Variants in GPC6 observed in about 807,000 individuals in gnomAD.
GPC6 encodes glypican 6.
Under a neutral mutation model 55.2 loss-of-function variants are expected in GPC6, and 14 were observed. The observed-to-expected ratio is 0.25, with a 90% CI of 0.17 to 0.40. The LOEUF (loss-of-function observed/expected upper bound fraction) is 0.40. Ranked by LOEUF, GPC6 falls within the 10% of genes least tolerant of loss-of-function variation. The pLI, the probability that GPC6 is intolerant of heterozygous loss-of-function variation, is 1.00. For synonymous variants in GPC6, 278 were observed against 259.6 expected (o/e 1.07, Z -0.68); for missense variants, 641 against 708.5 (o/e 0.90, Z 1.08).
At position 94,066,788 on chromosome 13, in the gene GPC6, T is replaced by C. The variant is rs191195237; in HGVS notation, c.877+38894T>C. Among the ~76,000 whole-genome samples, 753 of 152,324 alleles carry C rather than the reference T, an allele frequency of 4.9e-3. 5 individuals carry two copies. Among genetic ancestry groups the C allele is most frequent in the Non-Finnish European group, 7.3e-3 (499 of 68,006 alleles). Reference sequence around the variant, plus strand: ...TTCCGCAAGGAACACACAACTTTATTTAACTACCAACCACTTTCCCTTTAT... The same window carrying C: ...TTCCGCAAGGAACACACAACTTTATCTAACTACCAACCACTTTCCCTTTAT... On this transcript the variant is annotated intron_variant, in intron 4 of 8. Coordinates refer to ENST00000377047, the MANE Select transcript of GPC6 (RefSeq NM_005708.5).
chr13:93,822,885 A>T (rs1022228982), intron 2 of GPC6, among the ~76,000 whole-genome samples: 1 of 149,608 alleles, frequency 6.7e-6, no homozygotes. Context: ...TTTCTTTGAG[A>T]TGGAGTCTCG....
At chr13:93,630,683 G>T (rs1879389909) in intron 2 of GPC6, among the ~76,000 whole-genome samples, 1 of 151,958 alleles carries the variant, frequency 6.6e-6, no homozygotes, top group South Asian at 2.1e-4. Flanking sequence ...ACTAGTCATG[G>T]ATAATCTATA....
intron 4 of GPC6, among the ~76,000 whole-genome samples, chr13:94,245,734 G>T (rs1410648111): frequency 5.3e-5 from 8 of 152,014 alleles, no homozygotes; most frequent in Admixed American, 5.2e-4. Context: ...GTGTGTGTGT[G>T]TGTCTGTGTG....
At chr13:93,653,308 G>A (rs1424957640) in intron 2 of GPC6, among the ~76,000 whole-genome samples, 1 of 152,130 alleles carries the variant, frequency 6.6e-6, no homozygotes, top group Admixed American at 6.5e-5. Flanking sequence ...AAGAAATCTT[G>A]TAAATCAAAA....
chr13:93,685,858 A>C (rs1353071512), intron 2 of GPC6, among the ~76,000 whole-genome samples: 2 of 152,170 alleles, frequency 1.3e-5, no homozygotes, highest in African/African-American at 4.8e-5. Flanking sequence ...GAAAGATTGA[A>C]GAGTATTTTT....
intron 2 of GPC6, among the ~76,000 whole-genome samples, chr13:93,669,834 A>C (rs1881288089): frequency 1.3e-5 from 1 of 78,922 alleles, no homozygotes; most frequent in Non-Finnish European, 4.4e-5. Flanking sequence ...AAGCCTTAAG[A>C]AAAAAAAAAG....
intron 1 of GPC6, among the ~76,000 whole-genome samples, chr13:93,273,309 A>G (rs1877606144): frequency 6.6e-6 from 1 of 152,208 alleles, no homozygotes; most frequent in South Asian, 2.1e-4. Flanking sequence ...TTCAGTTGTA[A>G]TAATAGACAT....
intron 4 of GPC6, among the ~76,000 whole-genome samples, chr13:94,233,951 C>A (rs1327247579): frequency 1.3e-5 from 2 of 152,090 alleles, no homozygotes; most frequent in African/African-American, 4.8e-5. Context: ...TAAGGGGGGA[C>A]TACTGTAACA....
Position 93,964,548 on chromosome 13 carries a change from CAAT to C in GPC6, c.712-63176_712-63174del, listed in dbSNP as rs1879933560. On this transcript the variant is annotated intron_variant, in intron 3 of 8. Coordinates refer to ENST00000377047, the MANE Select transcript of GPC6 (RefSeq NM_005708.5). Reference sequence around the variant, plus strand: ...TCAAAAACAGATAAAAGAGGGGAGACAATAATATTTGTGCACAGTAAATCCTAT... The same window carrying C: ...TCAAAAACAGATAAAAGAGGGGAGACAATATTTGTGCACAGTAAATCCTAT... Among the ~76,000 whole-genome samples, 2 of 152,092 alleles carry C rather than the reference CAAT, an allele frequency of 1.3e-5. 1 individual carries two copies. The highest frequency in any genetic ancestry group is 4.1e-4 in the South Asian group (2 of 4,822).
At chr13:94,073,918 A>C (rs9516344) in intron 4 of GPC6, among the ~76,000 whole-genome samples, 28,457 of 152,088 alleles carry the variant, frequency 0.19, 2,803 homozygotes, top group South Asian at 0.26. Context: ...CATCTCTTTG[A>C]CACTTGGGAA....
intron 6 of GPC6, among the ~76,000 whole-genome samples, chr13:94,320,453 T>G (rs1876760706): frequency 6.6e-6 from 1 of 152,216 alleles, no homozygotes; most frequent in African/African-American, 2.4e-5. Flanking sequence ...GGGTTTTTTT[T>G]GTGTGAGTTT....
At chr13:94,068,752 A>C (rs981188352) in intron 4 of GPC6, among the ~76,000 whole-genome samples, 10 of 152,222 alleles carry the variant, frequency 6.6e-5, no homozygotes, top group African/African-American at 2.4e-4. Context: ...TTAAAGCTCC[A>C]AAATGATCTC....
At chr13:94,144,265 G>C (rs748180471) in intron 4 of GPC6, among the ~76,000 whole-genome samples, 24 of 152,026 alleles carry the variant, frequency 1.6e-4, no homozygotes, top group South Asian at 6.2e-4. Context: ...TTTAATAAAA[G>C]AGTGAACAGT....
chr13:93,921,250 T>G (rs973449745), intron 3 of GPC6, among the ~76,000 whole-genome samples: 3 of 152,114 alleles, frequency 2.0e-5, no homozygotes, highest in East Asian at 1.9e-4. Context: ...CAAGTGCTTT[T>G]TGGCTCCGGC....
At chr13:93,460,516 T>C (rs1356977243) in intron 1 of GPC6, among the ~76,000 whole-genome samples, 1 of 152,218 alleles carries the variant, frequency 6.6e-6, no homozygotes, top group Admixed American at 6.5e-5. Context: ...ATGACGATTA[T>C]TTAAAAATCA....
In GPC6 at chr13:94,407,012, C is replaced by T; in HGVS notation, c.*3795C>T. 1 of 152,112 alleles carries T rather than the reference C, an allele frequency of 6.6e-6. No homozygotes were observed. The highest frequency in any genetic ancestry group is 1.9e-4 in the East Asian group (1 of 5,202). 9.4% of individuals were successfully genotyped at this position (152,112 alleles called of 1,614,324 possible). A position where few individuals can be genotyped will look rare whatever the true frequency, so the allele number is the denominator to read the frequency against. On this transcript the variant is annotated 3_prime_UTR_variant, in exon 9 of 9. Transcript: ENST00000377047. ...GTAATGTGTTCCTCCTTGTTGGAGACATTAGCCAGTGTTTAGTTTTAGACC... is the reference window on the plus strand; with the variant it reads ...GTAATGTGTTCCTCCTTGTTGGAGATATTAGCCAGTGTTTAGTTTTAGACC...
chr13:93,364,734 T>C (rs1482488834), intron 1 of GPC6, among the ~76,000 whole-genome samples: 2 of 151,324 alleles, frequency 1.3e-5, no homozygotes, highest in South Asian at 2.1e-4. Flanking sequence ...TATATGTATA[T>C]ATATATGTAT....
At chr13:93,761,701 G>C (rs1441883642) in intron 2 of GPC6, among the ~76,000 whole-genome samples, 1 of 151,778 alleles carries the variant, frequency 6.6e-6, no homozygotes, top group Non-Finnish European at 1.5e-5. Flanking sequence ...GTAGAGACAG[G>C]GTATTGCTAT....
intron 4 of GPC6, among the ~76,000 whole-genome samples, chr13:94,076,960 G>GTTTTTTT (rs56870429): frequency 7.9e-6 from 1 of 126,106 alleles, no homozygotes; most frequent in Non-Finnish European, 1.7e-5. Flanking sequence ...TGGTGCTTCT[G>GTTTTTTT]TTTTTTTTTT....
Sources: gnomAD v4.1 joint callset for allele counts (sites outside exome capture counted in the v4.1 genomes callset) on GRCh38, gnomAD v4.1.1 for gene constraint, MANE v1.5 for transcripts, NCBI Gene and HGNC (gene_info 2026-07-23, HGNC 2026-07-21) for gene names.